Variants in DYNC2H1 observed in about 807,000 individuals in gnomAD.
DYNC2H1 encodes cytoplasmic dynein 2 heavy chain 1.
DYNC2H1 carries 410 observed loss-of-function variants against 570.0 expected under a neutral mutation model. That is an observed-to-expected ratio of 0.72 (90% confidence interval 0.66 to 0.78). The LOEUF (loss-of-function observed/expected upper bound fraction) is 0.78. Ranked by LOEUF, DYNC2H1 falls within the 30% of genes least tolerant of loss-of-function variation. The pLI, the probability that DYNC2H1 is intolerant of heterozygous loss-of-function variation, is 0.00. For missense variants in DYNC2H1, 4,865 were observed against 5,046.4 expected (o/e 0.96, Z 1.09); for synonymous variants, 1,688 against 1,677.6 (o/e 1.01, Z -0.15).
chr11:103,321,971 C>T (rs945885264), intron 81 of DYNC2H1, among the ~76,000 whole-genome samples: 2 of 151,880 alleles, frequency 1.3e-5, no homozygotes, highest in Non-Finnish European at 2.9e-5. Flanking sequence ...TCCTTTCATC[C>T]AAATTTTTTT....
intron 75 of DYNC2H1, among the ~76,000 whole-genome samples, chr11:103,301,302 T>C (rs1867036355): frequency 6.6e-6 from 1 of 152,000 alleles, no homozygotes. Flanking sequence ...TACATGCTTC[T>C]GCGTCCATAT....
chr11:103,204,021 T>G lies in DYNC2H1; in HGVS notation c.8311+245T>G, dbSNP rs1400425075. The stretch of plus-strand genomic sequence containing the variant: ...CAATTTACAAAAGAAAGAGGTTTAT[T>G]GGACTCACAGTTCCCACATGGCTGG... On this transcript the variant is annotated intron_variant, in intron 51 of 88. Coordinates refer to ENST00000375735, the MANE Select transcript of DYNC2H1 (RefSeq NM_001377.3). This position sits in a 1 kb window ranked among gnomAD's most constrained non-coding sequence, Gnocchi z 4.1. Among the ~76,000 whole-genome samples the G allele has an allele frequency of 1.3e-5, 2 of 152,116 alleles. No individual in the cohort carries two copies. Among genetic ancestry groups the G allele is most frequent in the South Asian group, 4.1e-4 (2 of 4,824 alleles).
intron 82 of DYNC2H1, among the ~76,000 whole-genome samples, chr11:103,348,709 T>C (rs565363828): frequency 6.2e-4 from 94 of 152,270 alleles, no homozygotes; most frequent in Middle Eastern, 6.8e-3. Flanking sequence ...ATTGAAGATA[T>C]TAGTTTGTTT....
rs1467876926 is a variant in DYNC2H1, at chr11:103,154,564, A to C, written c.3416A>C (p.Gln1139Pro). The change falls in exon 23 of 89, where the codon CAA (glutamine) becomes CCA (proline). Residue 1139 changes from glutamine (Q) to proline (P), a missense_variant. Physicochemically the swap from Gln to Pro is moderately conservative, Grantham distance 76. This residue lies in a region of DYNC2H1 where 1,936 missense variants were observed against 1,962.1 expected (regional missense o/e 0.99). Coordinates refer to ENST00000375735, the MANE Select transcript of DYNC2H1 (RefSeq NM_001377.3). Reference protein sequence around the residue: ...QIWAFYEEFQQGFQEMANEDW... With the variant: ...QIWAFYEEFQPGFQEMANEDW... Reference sequence around the variant, plus strand: ...TGGGCCTTTTATGAAGAGTTTCAACAAGGATTTCAGGAAATGGCCAATGAA... The same window carrying C: ...TGGGCCTTTTATGAAGAGTTTCAACCAGGATTTCAGGAAATGGCCAATGAA... 1.2e-6 allele frequency: 2 copies of C among 1,602,554 alleles called. No homozygotes were observed. The highest frequency in any genetic ancestry group is 2.7e-5 in the African/African-American group (2 of 74,696).
chr11:103,197,114 C>G (rs11225599), intron 47 of DYNC2H1, among the ~76,000 whole-genome samples: 2 of 151,304 alleles, frequency 1.3e-5, no homozygotes, highest in South Asian at 4.2e-4. Context: ...TTTTTGTTTT[C>G]TAATTGAAAT....
At position 103,145,936 on chromosome 11, in the gene DYNC2H1, T is replaced by A. The variant is rs144600923; in HGVS notation, c.2703-1836T>A. Reference sequence around the variant, plus strand: ...GTAAAACTTCTTTGCTGTAATTAGATCACTTTATGTTAATTCATTAGCAAA... The same window carrying A: ...GTAAAACTTCTTTGCTGTAATTAGAACACTTTATGTTAATTCATTAGCAAA... On this transcript the variant is annotated intron_variant, in intron 18 of 88. Coordinates refer to ENST00000375735, the MANE Select transcript of DYNC2H1 (RefSeq NM_001377.3). This position sits in a 1 kb window ranked among gnomAD's most constrained non-coding sequence, Gnocchi z 4.2. Among the ~76,000 whole-genome samples, 12 of 152,324 alleles carry A rather than the reference T, an allele frequency of 7.9e-5. 1 individual carries two copies. Among genetic ancestry groups the A allele is most frequent in the African/African-American group, 2.6e-4 (11 of 41,582 alleles).
At chr11:103,431,883 G>A (rs1467652233) in intron 84 of DYNC2H1, among the ~76,000 whole-genome samples, 1 of 152,102 alleles carries the variant, frequency 6.6e-6, no homozygotes, top group African/African-American at 2.4e-5. Flanking sequence ...TCAACTTGTG[G>A]TGGGGCACTG....
intron 53 of DYNC2H1, 138 bp downstream of exon 53, chr11:103,210,098 T>C (rs1863092383): frequency 9.4e-7 from 1 of 1,066,742 alleles, no homozygotes; most frequent in Non-Finnish European, 1.2e-6. Context: ...TTTCTTCTGA[T>C]GCAAACAAAA....
At chr11:103,425,982 G>A (rs1477348634) in intron 84 of DYNC2H1, among the ~76,000 whole-genome samples, 4 of 152,030 alleles carry the variant, frequency 2.6e-5, no homozygotes, top group South Asian at 2.1e-4. Context: ...TGACATGTAC[G>A]TGATGGCCAT....
chr11:103,216,881 T>C (rs895983407), intron 55 of DYNC2H1, among the ~76,000 whole-genome samples: 2 of 152,188 alleles, frequency 1.3e-5, no homozygotes, highest in African/African-American at 4.8e-5. Flanking sequence ...ACTGAACTTA[T>C]GAGTTTTCTT....
At chr11:103,296,886 T>C (rs1401611395) in intron 75 of DYNC2H1, among the ~76,000 whole-genome samples, 1 of 152,148 alleles carries the variant, frequency 6.6e-6, no homozygotes, top group African/African-American at 2.4e-5. Context: ...CACATTCTTC[T>C]CTTGATTGTT....
chr11:103,267,150 G>A (rs191014615), intron 70 of DYNC2H1, among the ~76,000 whole-genome samples: 1 of 152,092 alleles, frequency 6.6e-6, no homozygotes, highest in East Asian at 1.9e-4. Context: ...GCATCTTGCC[G>A]GTTCAACTCA....
At chr11:103,288,976 C>T (rs1275971243) in intron 75 of DYNC2H1, among the ~76,000 whole-genome samples, 1 of 151,596 alleles carries the variant, frequency 6.6e-6, no homozygotes, top group Non-Finnish European at 1.5e-5. Flanking sequence ...CTGGGGATAA[C>T]ATCACTATTG....
At chr11:103,292,932 T>C (rs778207340) in intron 75 of DYNC2H1, among the ~76,000 whole-genome samples, 17 of 152,232 alleles carry the variant, frequency 1.1e-4, no homozygotes, top group Non-Finnish European at 2.2e-4. Context: ...TATTTCTTTA[T>C]AGCGACACAG....
Position 103,129,582 on chromosome 11 carries a change from G to A in DYNC2H1, c.1953+577G>A, listed in dbSNP as rs754959168. Reference sequence around the variant, plus strand: ...GCCTGTAATCCCAGCTACTCGGGAGGCTGATGCAGGAGAATCACTTGAACC... The same window carrying A: ...GCCTGTAATCCCAGCTACTCGGGAGACTGATGCAGGAGAATCACTTGAACC... On this transcript the variant is annotated intron_variant, in intron 13 of 88. Transcript: ENST00000375735. This position sits in a 1 kb window ranked among gnomAD's most constrained non-coding sequence, Gnocchi z 4.1. Among the ~76,000 whole-genome samples the A allele has an allele frequency of 3.9e-5, 6 of 152,120 alleles. No individual in the cohort carries two copies. The highest frequency in any genetic ancestry group is 8.8e-5 in the Non-Finnish European group (6 of 68,008).
In DYNC2H1 at chr11:103,189,301, A is replaced by G. The variant is rs1193043174; in HGVS notation, c.7293-371A>G. On this transcript the variant is annotated intron_variant, in intron 44 of 88. Coordinates refer to ENST00000375735, the MANE Select transcript of DYNC2H1 (RefSeq NM_001377.3). The surrounding 1 kb of genome is among the most constrained non-coding windows in gnomAD (Gnocchi z 4.3). Reference sequence around the variant, plus strand: ...GAAAGGGGTTGATTTTATTTGTTGTATTAGTTTTACTTTTATAGTTCTGAG... The same window carrying G: ...GAAAGGGGTTGATTTTATTTGTTGTGTTAGTTTTACTTTTATAGTTCTGAG... Among the ~76,000 whole-genome samples the G allele has an allele frequency of 6.6e-6, 1 of 151,930 alleles. No individual in the cohort carries two copies. Among genetic ancestry groups the G allele is most frequent in the East Asian group, 1.9e-4 (1 of 5,186 alleles).
intron 55 of DYNC2H1, among the ~76,000 whole-genome samples, chr11:103,217,538 A>AG (rs1863431009): frequency 6.6e-6 from 1 of 152,162 alleles, no homozygotes; most frequent in Admixed American, 6.6e-5. Context: ...AGGTAGAGAG[A>AG]GAAAAAGCCC....
At position 103,163,346 on chromosome 11, in the gene DYNC2H1, C is replaced by A. The variant is rs1861176229; in HGVS notation, c.4611+199C>A. Among the ~76,000 whole-genome samples, 1 of 152,088 alleles carries A rather than the reference C, an allele frequency of 6.6e-6. No individual in the cohort carries two copies. Among genetic ancestry groups the A allele is most frequent in the African/African-American group, 2.4e-5 (1 of 41,432 alleles). ...GAATTGAGATCCAAGCAACCTAGGC[C>A]AGTGGTGAGTAGGATGGGGAGGAGG... On this transcript the variant is annotated intron_variant, in intron 30 of 88. Transcript: ENST00000375735. This position sits in a 1 kb window ranked among gnomAD's most constrained non-coding sequence, Gnocchi z 4.6.
intron 84 of DYNC2H1, among the ~76,000 whole-genome samples, chr11:103,433,361 G>A (rs182484243): frequency 6.6e-6 from 1 of 151,934 alleles, no homozygotes; most frequent in African/African-American, 2.4e-5. Flanking sequence ...TATTACACTT[G>A]GCAATAATAT....
Sources: allele counts gnomAD v4.1 joint callset (sites outside exome capture counted in the v4.1 genomes callset), GRCh38; gene constraint gnomAD v4.1.1; regional missense constraint gnomAD v4.1.1; non-coding constraint Gnocchi (gnomAD v3.1); transcripts MANE v1.5; gene names NCBI Gene and HGNC (gene_info 2026-07-23, HGNC 2026-07-21).